Variants in CACNA2D3 observed in about 807,000 individuals in gnomAD.
CACNA2D3 encodes the protein calcium voltage-gated channel auxiliary subunit alpha2delta 3, also known as voltage-dependent calcium channel subunit alpha-2/delta-3.
Under a neutral mutation model 160.6 loss-of-function variants are expected in CACNA2D3, and 60 were observed. The ratio of observed to expected loss-of-function variants is 0.37; its 90% CI spans 0.30 to 0.46. The LOEUF (loss-of-function observed/expected upper bound fraction) is 0.46. Among genes scored for constraint, CACNA2D3 ranks in the 20% least tolerant of loss-of-function variants. The pLI is 1.00. For missense variants in CACNA2D3, 1,205 were observed against 1,365.0 expected (o/e 0.88, Z 1.85); for synonymous variants, 558 against 492.9 (o/e 1.13, Z -1.75).
At chr3:54,205,793 T>C (rs1254234995) in intron 2 of CACNA2D3, among the ~76,000 whole-genome samples, 2 of 152,138 alleles carry the variant, frequency 1.3e-5, no homozygotes. Context: ...AAGAAAGGGT[T>C]GCGGTGGAGG....
intron 13 of CACNA2D3, among the ~76,000 whole-genome samples, chr3:54,794,950 A>C (rs1702838193): frequency 6.6e-6 from 1 of 152,144 alleles, no homozygotes; most frequent in Non-Finnish European, 1.5e-5. Context: ...TTATCAAACT[A>C]AAGATATTTA....
At chr3:54,638,048 G>A (rs1428516141) in intron 10 of CACNA2D3, 1 of 152,032 alleles carries the variant, frequency 6.6e-6, no homozygotes, top group African/African-American at 2.4e-5. Context: ...TCTCACAGTG[G>A]AGGCAAGGAA....
intron 27 of CACNA2D3, among the ~76,000 whole-genome samples, chr3:54,928,861 G>T (rs962667546): frequency 1.3e-4 from 20 of 152,136 alleles, no homozygotes; most frequent in Admixed American, 1.1e-3. Context: ...TGAGCATCAG[G>T]CGTCAGTCGA....
chr3:54,221,260 TTAG>T (rs1471762012), intron 2 of CACNA2D3, among the ~76,000 whole-genome samples: 2 of 152,180 alleles, frequency 1.3e-5, no homozygotes, highest in African/African-American at 4.8e-5. Flanking sequence ...CGTTCAAATG[TTAG>T]TGGTGAGAGG....
At chr3:54,618,023 C>G (rs1698893046) in intron 9 of CACNA2D3, among the ~76,000 whole-genome samples, 1 of 150,782 alleles carries the variant, frequency 6.6e-6, no homozygotes, top group Non-Finnish European at 1.5e-5. Context: ...ACTAAAAATA[C>G]AGTGCCATAA....
chr3:54,240,393 A>G (rs1367162094), intron 2 of CACNA2D3, among the ~76,000 whole-genome samples: 2 of 152,114 alleles, frequency 1.3e-5, no homozygotes, highest in Admixed American at 6.5e-5. Context: ...TAATTACTAG[A>G]TATAATAATG....
intron 26 of CACNA2D3, among the ~76,000 whole-genome samples, chr3:54,898,226 GT>G (rs1700242817): frequency 9.3e-6 from 1 of 107,586 alleles, no homozygotes; most frequent in South Asian, 2.9e-4. Context: ...GCCCCACCCC[GT>G]CTTTTTTTTT....
At chr3:54,215,889 T>C (rs2107369455) in intron 2 of CACNA2D3, among the ~76,000 whole-genome samples, 1 of 152,032 alleles carries the variant, frequency 6.6e-6, no homozygotes, top group Admixed American at 6.5e-5. Context: ...CTTTTCTTTT[T>C]TTTTTCTTGT....
intron 9 of CACNA2D3, among the ~76,000 whole-genome samples, chr3:54,602,514 A>G (rs937852557): frequency 5.3e-5 from 8 of 151,622 alleles, no homozygotes; most frequent in Admixed American, 5.3e-4. Context: ...AAAAAAAAAA[A>G]AAAAAAAGGG....
At position 54,666,261 on chromosome 3, in the gene CACNA2D3, A is replaced by G. The variant is rs1381552812; in HGVS notation, c.1167+24020A>G. On this transcript the variant is annotated intron_variant, in intron 11 of 37. Transcript: ENST00000474759. The stretch of plus-strand genomic sequence containing the variant: ...TGTAGGAAAAGTTGACTTGGAGGGA[A>G]ATAGAAGAAATGTCTTCAAAGATAG... Among the ~76,000 whole-genome samples, 3 of 152,360 alleles carry G rather than the reference A, an allele frequency of 2.0e-5. No homozygotes were observed. In the East Asian group the frequency reaches 5.8e-4, roughly 29 times the overall value.
chr3:54,546,505 G>A (rs537826207), intron 5 of CACNA2D3, among the ~76,000 whole-genome samples: 2 of 152,208 alleles, frequency 1.3e-5, no homozygotes, highest in Admixed American at 1.3e-4. Flanking sequence ...TTGGAGGGCT[G>A]GTGTCTAGAG....
intron 3 of CACNA2D3, among the ~76,000 whole-genome samples, chr3:54,328,960 G>C (rs968487595): frequency 2.6e-5 from 4 of 152,148 alleles, no homozygotes; most frequent in African/African-American, 9.7e-5. Context: ...GGGTGTTTCA[G>C]CCTCCCCACT....
At chr3:54,657,040 G>A (rs1455933329) in intron 11 of CACNA2D3, among the ~76,000 whole-genome samples, 1 of 151,368 alleles carries the variant, frequency 6.6e-6, no homozygotes, top group Non-Finnish European at 1.5e-5. Context: ...ATAGGATTTG[G>A]GTAGGTAAAG....
chr3:54,698,527 T>C (rs1332047242), intron 11 of CACNA2D3, among the ~76,000 whole-genome samples: 1 of 152,326 alleles, frequency 6.6e-6, no homozygotes, highest in East Asian at 1.9e-4. Context: ...CATTTTGATA[T>C]GTTTTTGGTC....
chr3:54,806,707 A>T (rs943262933), intron 13 of CACNA2D3, among the ~76,000 whole-genome samples: 1 of 152,156 alleles, frequency 6.6e-6, no homozygotes, highest in African/African-American at 2.4e-5. Flanking sequence ...AAACTACTTT[A>T]AAGTTCATAT....
intron 24 of CACNA2D3, among the ~76,000 whole-genome samples, chr3:54,890,427 C>T (rs1203599649): frequency 1.4e-5 from 2 of 139,742 alleles, no homozygotes; most frequent in South Asian, 2.3e-4. Context: ...ACCCGGGAGG[C>T]GGAGCTTGCA....
intron 11 of CACNA2D3, among the ~76,000 whole-genome samples, chr3:54,687,135 GTTTTTTTTTTTTTTTGT>G (rs1700473654): frequency 1.1e-5 from 1 of 88,896 alleles, no homozygotes. Flanking sequence ...TTTTTTTTTT[GTTTTTTTTTTTTTTTGT>G]TTTTTTGACA....
intron 8 of CACNA2D3, among the ~76,000 whole-genome samples, chr3:54,576,758 G>A (rs1422101600): frequency 1.3e-5 from 2 of 152,212 alleles, no homozygotes; most frequent in Non-Finnish European, 2.9e-5. Flanking sequence ...GCCAGGGCCA[G>A]GTGCAGTGGC....
At chr3:54,263,827 G>A (rs929373708) in intron 2 of CACNA2D3, among the ~76,000 whole-genome samples, 24 of 152,174 alleles carry the variant, frequency 1.6e-4, no homozygotes, top group African/African-American at 4.1e-4. Flanking sequence ...CATAAGGTAC[G>A]CATGATGTCT....
Sources: gnomAD v4.1 joint callset for allele counts (sites outside exome capture counted in the v4.1 genomes callset) on GRCh38, gnomAD v4.1.1 for gene constraint, MANE v1.5 for transcripts, NCBI Gene and HGNC (gene_info 2026-07-23, HGNC 2026-07-21) for gene names.